The following SLC28A3 variants were observed in gnomAD, a reference collection of about 807,000 sequenced individuals.
SLC28A3 encodes concentrative Na(+)-nucleoside cotransporter 3.
Under a neutral mutation model 84.2 loss-of-function variants are expected in SLC28A3, and 68 were observed. That is an observed-to-expected ratio of 0.81 (90% confidence interval 0.66 to 0.99). The LOEUF (loss-of-function observed/expected upper bound fraction) is 0.99, where lower values mean the gene tolerates loss of function less well. Among genes scored for constraint, SLC28A3 ranks in the 50% least tolerant of loss-of-function variants. SLC28A3 has a pLI of 0.00. For synonymous variants in SLC28A3, 267 were observed against 303.6 expected (o/e 0.88, Z 1.25); for missense variants, 712 against 841.5 (o/e 0.85, Z 1.90).
At chr9:84,316,013 A>G (rs1415631588) in intron 1 of SLC28A3, among the ~76,000 whole-genome samples, 2 of 152,106 alleles carry the variant, frequency 1.3e-5, no homozygotes, top group Non-Finnish European at 2.9e-5. Flanking sequence ...TAATTTCTCT[A>G]GTTAGTTTTA....
Position 84,292,757 on chromosome 9 carries a change from A to C in SLC28A3, c.943-9T>G. ...AGCATGATCCATCCAACCTAAAAGGAAGAAAGGGACAAAGTCAGCAAAGAA... is the reference window on the plus strand; with the variant it reads ...AGCATGATCCATCCAACCTAAAAGGCAGAAAGGGACAAAGTCAGCAAAGAA... On this transcript the variant is annotated splice_polypyrimidine_tract_variant and intron_variant, in intron 9 of 17. Transcript: ENST00000376238. The C allele has an allele frequency of 6.5e-7, 1 of 1,544,332 alleles. No homozygotes were observed. The highest frequency in any genetic ancestry group is 1.2e-5 in the South Asian group (1 of 80,112).
At chr9:84,342,660 T>C (rs1402802836), upstream of SLC28A3, among the ~76,000 whole-genome samples, 2 of 151,952 alleles carry the variant, frequency 1.3e-5, no homozygotes, top group African/African-American at 4.8e-5. Flanking sequence ...TCAAGCAATC[T>C]TCCCACCTGC....
At chr9:84,322,405 A>G (rs1826410058) in intron 1 of SLC28A3, among the ~76,000 whole-genome samples, 2 of 152,220 alleles carry the variant, frequency 1.3e-5, no homozygotes, top group Non-Finnish European at 2.9e-5. Context: ...ACAACGTGGG[A>G]TCTTCCTTCC....
At chr9:84,343,209 A>G (rs1241631086), upstream of SLC28A3, among the ~76,000 whole-genome samples, 1 of 151,046 alleles carries the variant, frequency 6.6e-6, no homozygotes, top group African/African-American at 2.5e-5. Flanking sequence ...GACAAAAAAC[A>G]AAAGCAAAAA....
intron 3 of SLC28A3, among the ~76,000 whole-genome samples, chr9:84,307,330 C>T (rs1273470581): frequency 6.7e-6 from 1 of 149,872 alleles, no homozygotes; most frequent in Non-Finnish European, 1.5e-5. Flanking sequence ...ACTCGGGAGG[C>T]TAAGGCAGGA....
the SLC28A3 span, among the ~76,000 whole-genome samples, chr9:84,364,572 A>G: frequency 6.6e-6 from 1 of 152,056 alleles, no homozygotes; most frequent in African/African-American, 2.4e-5. Context: ...GTAATTATTA[A>G]CTATAGTCAA....
chr9:84,333,366 C>A (rs543383916), intron 1 of SLC28A3, among the ~76,000 whole-genome samples: 1 of 152,010 alleles, frequency 6.6e-6, no homozygotes, highest in African/African-American at 2.4e-5. Flanking sequence ...TATTTAGGAA[C>A]CAAAAGGGGG....
chr9:84,292,581 G>T, intron 10 of SLC28A3, 87 bp downstream of exon 10: 2 of 1,067,896 alleles, frequency 1.9e-6, no homozygotes, highest in Non-Finnish European at 2.7e-6. Flanking sequence ...TACACTAAAA[G>T]AACATTGTGT....
chr9:84,331,863 C>G (rs1388336498), intron 1 of SLC28A3, among the ~76,000 whole-genome samples: 1 of 152,190 alleles, frequency 6.6e-6, no homozygotes, highest in Non-Finnish European at 1.5e-5. Context: ...CCCATCTCCT[C>G]TGAGTTTGGA....
upstream of SLC28A3, among the ~76,000 whole-genome samples, chr9:84,342,193 T>A (rs1827177380): frequency 6.8e-6 from 1 of 146,118 alleles, no homozygotes; most frequent in Non-Finnish European, 1.5e-5. Flanking sequence ...GTATTATGAG[T>A]GGTTATTTCT....
chr9:84,346,943 G>A, the SLC28A3 span, among the ~76,000 whole-genome samples: 3 of 152,184 alleles, frequency 2.0e-5, no homozygotes, highest in Non-Finnish European at 4.4e-5. Context: ...GGGAGGTCAA[G>A]GTGGGTGGAT....
intron 12 of SLC28A3, among the ~76,000 whole-genome samples, chr9:84,287,232 C>T (rs555120072): frequency 1.2e-4 from 18 of 152,216 alleles, no homozygotes; most frequent in South Asian, 6.2e-4. Flanking sequence ...AGTGGAATTA[C>T]GCTGTATTCT....
chr9:84,344,185 G>GTTTTT (rs762125676), upstream of SLC28A3, among the ~76,000 whole-genome samples: 44 of 117,990 alleles, frequency 3.7e-4, no homozygotes, highest in African/African-American at 1.5e-3. Flanking sequence ...CATCATATGG[G>GTTTTT]TTTTTTTTTT....
chr9:84,301,379 A>C (rs1825633233), intron 5 of SLC28A3, among the ~76,000 whole-genome samples: 1 of 149,964 alleles, frequency 6.7e-6, no homozygotes, highest in African/African-American at 2.5e-5. Context: ...AAAAAAGAAA[A>C]GGCTGTAAAC....
the SLC28A3 span, among the ~76,000 whole-genome samples, chr9:84,353,101 T>A: frequency 7.9e-5 from 12 of 152,064 alleles, no homozygotes; most frequent in Non-Finnish European, 1.3e-4. Context: ...GCTGAGTAAT[T>A]ATTAGTGACA....
chr9:84,344,334 G>A (rs144927764), upstream of SLC28A3, among the ~76,000 whole-genome samples: 1,671 of 151,902 alleles, frequency 0.011, 21 homozygotes, highest in Non-Finnish European at 0.017. Flanking sequence ...GACTACAGGC[G>A]TGTGCCACCA....
Position 84,277,467 on chromosome 9 carries a change from C to A in SLC28A3, c.*751G>T, listed in dbSNP as rs538817372. On this transcript the variant is annotated 3_prime_UTR_variant, in exon 18 of 18. Coordinates refer to ENST00000376238, the MANE Select transcript of SLC28A3 (RefSeq NM_001199633.2). ...TTCCCTCTTAAGACCAACATGCCCC[C>A]CTTAGAGGCTGCTCCTTTAGACTGG... 2 of 152,226 alleles carry A rather than the reference C, an allele frequency of 1.3e-5. No homozygotes were observed. The highest frequency in any genetic ancestry group is 2.9e-5 in the Non-Finnish European group (2 of 68,054). 9.4% of individuals were successfully genotyped at this position (152,226 alleles called of 1,614,324 possible). A position where few individuals can be genotyped will look rare whatever the true frequency, so the allele number is the denominator to read the frequency against.
Position 84,301,369 on chromosome 9 carries a change from A to AAAAG in SLC28A3, c.524+830_524+831insCTTT, listed in dbSNP as rs1554725715. Among the ~76,000 whole-genome samples, 172 of 132,240 alleles carry AAAAG rather than the reference A, an allele frequency of 1.3e-3. 1 individual carries two copies. The highest frequency in any genetic ancestry group is 4.9e-3 in the African/African-American group (155 of 31,806). 86.8% of individuals were successfully genotyped at this position (132,240 alleles called of 152,430 possible). A position where few individuals can be genotyped will look rare whatever the true frequency, so the allele number is the denominator to read the frequency against. On this transcript the variant is annotated intron_variant, in intron 5 of 17. Coordinates refer to ENST00000376238, the MANE Select transcript of SLC28A3 (RefSeq NM_001199633.2). ...TGTCTCAAAAAAAAAAAAAAAAAAA[A>AAAAG]AAAAAGAAAAGGCTGTAAACATTGG... is the stretch of plus-strand genomic sequence containing the variant.
At chr9:84,343,087 C>T (rs10119324), upstream of SLC28A3, among the ~76,000 whole-genome samples, 8,177 of 151,802 alleles carry the variant, frequency 0.054, 441 homozygotes, top group East Asian at 0.17. Flanking sequence ...TGCTTGAACC[C>T]AGGAGGTGGA....
Sources: gnomAD v4.1 joint callset for allele counts (sites outside exome capture counted in the v4.1 genomes callset) on GRCh38, gnomAD v4.1.1 for gene constraint, MANE v1.5 for transcripts, NCBI Gene and HGNC (gene_info 2026-07-23, HGNC 2026-07-21) for gene names.